Variants in OSBPL5 observed in about 807,000 individuals in gnomAD.
The protein encoded by OSBPL5 is oxysterol binding protein like 5, also known as oxysterol-binding protein-related protein 5.
A neutral mutation model predicts 111.2 loss-of-function variants in OSBPL5; 71 were observed. The ratio of observed to expected loss-of-function variants is 0.64; its 90% CI spans 0.53 to 0.78. The LOEUF is 0.78. OSBPL5 is among the 30% of genes least tolerant of loss of function. OSBPL5 has a pLI of 0.00. For synonymous variants in OSBPL5, 549 were observed against 513.9 expected, an observed-to-expected ratio of 1.07 and a Z score of -0.93; for missense variants, 1,210 against 1,189.3, an observed-to-expected ratio of 1.02 and a Z score of -0.26.
At chr11:3,103,730 C>CTTCCTGCCTCTGTAGCCCCA (rs1857549279) in intron 10 of OSBPL5, among the ~76,000 whole-genome samples, 2 of 87,362 alleles carry the variant, frequency 2.3e-5, no homozygotes, top group African/African-American at 6.8e-5. Flanking sequence ...TCTGCTGCCC[C>CTTCCTGCCTCTGTAGCCCCA]TTCCTGCCTC....
At chr11:3,094,362 G>C (rs1415751922) in intron 14 of OSBPL5, 28 bp from the exon 15 acceptor site, 21 of 1,586,658 alleles carry the variant, frequency 1.3e-5, no homozygotes, top group African/African-American at 2.8e-5. Context: ...TCAGGGGCCA[G>C]GCGGCCCCAG....
intron 1 of OSBPL5, among the ~76,000 whole-genome samples, chr11:3,138,275 G>A (rs1038845758): frequency 6.6e-6 from 1 of 152,218 alleles, no homozygotes; most frequent in Non-Finnish European, 1.5e-5. Flanking sequence ...CTGGCATGGG[G>A]GCGGGCTGGG....
intron 1 of OSBPL5, among the ~76,000 whole-genome samples, chr11:3,158,912 G>A (rs988202434): frequency 2.6e-5 from 4 of 152,324 alleles, no homozygotes; most frequent in African/African-American, 2.4e-5. Flanking sequence ...CCGGGGTGTT[G>A]CCCGTGTGCA....
At chr11:3,129,384 G>A (rs1182885660) in intron 1 of OSBPL5, 4 of 385,198 alleles carry the variant, frequency 1.0e-5, no homozygotes, top group South Asian at 8.7e-5. Flanking sequence ...CCCTTTCCAC[G>A]CCGGGCAGTA....
intron 11 of OSBPL5, 89 bp downstream of exon 11, chr11:3,103,150 C>G (rs1271401652): frequency 5.0e-6 from 6 of 1,194,532 alleles, no homozygotes; most frequent in Admixed American, 2.4e-5. Flanking sequence ...GGGGGTGGCC[C>G]GGGGACTCAG....
rs994076209 is a variant in OSBPL5 at position 3,113,481 on chromosome 11, C to G, written c.692-5536G>C. Reference sequence around the variant, plus strand: ...ACCAGTCTGGCCAACATAGTGAAACCCCATCTCTACTAAAAATACAAAAAT... The same window carrying G: ...ACCAGTCTGGCCAACATAGTGAAACGCCATCTCTACTAAAAATACAAAAAT... On this transcript the variant is annotated intron_variant, in intron 7 of 21. Transcript: ENST00000263650. The surrounding 1 kb of genome is among the most constrained non-coding windows in gnomAD (Gnocchi z 4.8). Among the ~76,000 whole-genome samples, 1 of 151,888 alleles carries G rather than the reference C, an allele frequency of 6.6e-6. No individual in the cohort carries two copies. Among genetic ancestry groups the G allele is most frequent in the African/African-American group, 2.4e-5 (1 of 41,328 alleles).
rs773665314 is a variant in OSBPL5 at position 3,094,221 on chromosome 11, C to G, written c.1719+16G>C. 8 of 1,611,484 alleles carry G rather than the reference C, an allele frequency of 5.0e-6. No homozygotes were observed. Among genetic ancestry groups the G allele is most frequent in the Middle Eastern group, 1.7e-4 (1 of 6,054 alleles). On this transcript the variant is annotated intron_variant, in intron 15 of 21. Transcript: ENST00000263650. ...CTTCCCTGGCCTCGTCTCCCCCAGG[C>G]TGCAGCCAGCGCTACCTTGAGTTTG...
At chr11:3,108,991 C>T (rs1370738773) in intron 7 of OSBPL5, among the ~76,000 whole-genome samples, 1 of 152,200 alleles carries the variant, frequency 6.6e-6, no homozygotes, top group African/African-American at 2.4e-5. Context: ...TGGTCTCGAA[C>T]TCCCGACCTC....
intron 2 of OSBPL5, among the ~76,000 whole-genome samples, chr11:3,128,779 G>A (rs1233051216): frequency 6.6e-6 from 1 of 152,174 alleles, no homozygotes; most frequent in Non-Finnish European, 1.5e-5. Flanking sequence ...CAAAGCCTGG[G>A]CTGTGGGAAC....
At chr11:3,116,005 A>G (rs961945990) in intron 7 of OSBPL5, among the ~76,000 whole-genome samples, 3 of 152,150 alleles carry the variant, frequency 2.0e-5, no homozygotes, top group African/African-American at 7.2e-5. Flanking sequence ...TCCAAAATCA[A>G]ATTATAAATT....
At chr11:3,163,050 G>A (rs751887115) in intron 1 of OSBPL5, among the ~76,000 whole-genome samples, 1 of 152,166 alleles carries the variant, frequency 6.6e-6, no homozygotes, top group Non-Finnish European at 1.5e-5. Context: ...CAAAATGACC[G>A]GGATCCTTTT....
chr11:3,162,908 C>G lies in OSBPL5; in HGVS notation c.-22+2308G>C, dbSNP rs1218069591. Among the ~76,000 whole-genome samples, 1 of 152,088 alleles carries G rather than the reference C, an allele frequency of 6.6e-6. No individual in the cohort carries two copies. The highest frequency in any genetic ancestry group is 1.5e-5 in the Non-Finnish European group (1 of 68,012). On this transcript the variant is annotated intron_variant, in intron 1 of 21. Transcript: ENST00000263650. The surrounding 1 kb of genome is among the most constrained non-coding windows in gnomAD (Gnocchi z 8.1). ...ACTTGTACCCCCCAACATCTACCCC[C>G]CAGCACACTGGTGCACTCCCTGGGC...
In OSBPL5 at chr11:3,107,440, G is replaced by C; in HGVS notation, c.882C>G (p.Ser294=). Residue 294 remains serine (S), a synonymous_variant, in exon 9 of 22, where the codon TCC becomes TCG. Transcript: ENST00000263650. The surrounding 1 kb of genome is among the most constrained non-coding windows in gnomAD (Gnocchi z 6.1). ...DQDLFPLNGS[S]LENDAFSDKS... Reference sequence around the variant, plus strand: ...TGTCTGAGAATGCATCGTTCTCCAGGGAAGACCCGTTCAGTCTGGAAGGTG... The same window carrying C: ...TGTCTGAGAATGCATCGTTCTCCAGCGAAGACCCGTTCAGTCTGGAAGGTG... 10 of 1,613,996 alleles carry C rather than the reference G, an allele frequency of 6.2e-6. No individual in the cohort carries two copies. The highest frequency in any genetic ancestry group is 7.6e-6 in the Non-Finnish European group (9 of 1,179,964).
intron 1 of OSBPL5, among the ~76,000 whole-genome samples, chr11:3,158,915 C>T (rs888630584): frequency 6.6e-6 from 1 of 152,136 alleles, no homozygotes; most frequent in South Asian, 2.1e-4. Context: ...GGGTGTTGCC[C>T]GTGTGCAGGA....
intron 1 of OSBPL5, among the ~76,000 whole-genome samples, chr11:3,156,278 G>T (rs980434972): frequency 6.6e-6 from 1 of 152,222 alleles, no homozygotes; most frequent in African/African-American, 2.4e-5. Context: ...CCGAAGGATG[G>T]AAATCCGTGT....
At position 3,104,408 on chromosome 11, in the gene OSBPL5, C is replaced by G; in HGVS notation, c.1060-31G>C. 1 of 1,595,284 alleles carries G rather than the reference C, an allele frequency of 6.3e-7. No homozygotes were observed. Among genetic ancestry groups the G allele is most frequent in the African/African-American group, 1.3e-5 (1 of 74,596 alleles). Reference sequence around the variant, plus strand: ...GCAGACAGGCTGCAGTCAGGCCCTGCCCGGAAGAGCCGGGAGGAAGGGGTG... The same window carrying G: ...GCAGACAGGCTGCAGTCAGGCCCTGGCCGGAAGAGCCGGGAGGAAGGGGTG... On this transcript the variant is annotated intron_variant, in intron 9 of 21. Transcript: ENST00000263650. This position sits in a 1 kb window ranked among gnomAD's most constrained non-coding sequence, Gnocchi z 5.0.
rs915931602 is a variant in OSBPL5, at chr11:3,106,903, G to A, written c.1059+360C>T. On this transcript the variant is annotated intron_variant, in intron 9 of 21. Coordinates refer to ENST00000263650, the MANE Select transcript of OSBPL5 (RefSeq NM_020896.4). This position sits in a 1 kb window ranked among gnomAD's most constrained non-coding sequence, Gnocchi z 8.4. Reference sequence around the variant, plus strand: ...CTCAGGTCCACACGCCCTCCTCTGCGCTCCTCCAGGAAGTGGGGCCGCCCA... The same window carrying A: ...CTCAGGTCCACACGCCCTCCTCTGCACTCCTCCAGGAAGTGGGGCCGCCCA... Among the ~76,000 whole-genome samples, 2 of 152,170 alleles carry A rather than the reference G, an allele frequency of 1.3e-5. No homozygotes were observed. The highest frequency in any genetic ancestry group is 2.4e-5 in the African/African-American group (1 of 41,432).
At chr11:3,090,425 G>T in intron 20 of OSBPL5, 133 bp downstream of exon 20, 1 of 1,276,516 alleles carries the variant, frequency 7.8e-7, no homozygotes, top group Non-Finnish European at 1.1e-6. Context: ...GCCCCTCAGG[G>T]CAGCAGAGGA....
chr11:3,144,213 C>T (rs981636060), intron 1 of OSBPL5, among the ~76,000 whole-genome samples: 1 of 152,152 alleles, frequency 6.6e-6, no homozygotes, highest in Non-Finnish European at 1.5e-5. Context: ...GGGGACAGAA[C>T]ATGCCCCCTC....
Sources: allele counts gnomAD v4.1 joint callset (sites outside exome capture counted in the v4.1 genomes callset), GRCh38; gene constraint gnomAD v4.1.1; non-coding constraint Gnocchi (gnomAD v3.1); transcripts MANE v1.5; gene names NCBI Gene and HGNC (gene_info 2026-07-23, HGNC 2026-07-21).